The following HCN2 variants were observed in gnomAD, a reference collection of about 807,000 sequenced individuals.
HCN2 encodes hyperpolarization activated cyclic nucleotide gated potassium and sodium channel 2, also known as potassium/sodium hyperpolarization-activated cyclic nucleotide-gated channel 2.
A neutral mutation model predicts 52.3 loss-of-function variants in HCN2; 20 were observed. That is an observed-to-expected ratio of 0.38 (90% CI 0.27 to 0.56). HCN2 has a LOEUF of 0.56. Among genes scored for constraint, HCN2 ranks in the 20% least tolerant of loss-of-function variants. The pLI is 0.71. For synonymous variants in HCN2, 694 were observed against 537.0 expected, an observed-to-expected ratio of 1.29 and a Z score of -4.04; for missense variants, 981 against 1,207.7, an observed-to-expected ratio of 0.81 and a Z score of 2.78.
rs1158236413 is a variant in HCN2, at chr19:616,076, G to C, written c.2272G>C (p.Val758Leu). Reference sequence around the variant, plus strand: ...GCTGGCGCTCGGCTCGCCGCGCCTCGTGCGCCGCCCGCCCCCGGGGCCCGC... The same window carrying C: ...GCTGGCGCTCGGCTCGCCGCGCCTCCTGCGCCGCCCGCCCCCGGGGCCCGC... ...GPLALGSPRL[V>L]RRPPPGPAPA... is the part of the protein sequence containing the mutation. The change falls in exon 8 of 8, where the codon GTG becomes CTG. Residue 758 changes from valine (V) to leucine (L), a missense_variant. Transcript: ENST00000251287. The C allele has an allele frequency of 4.6e-6, 5 of 1,086,040 alleles. No homozygotes were observed. The highest frequency in any genetic ancestry group is 3.4e-5 in the African/African-American group (2 of 59,166). 67.3% of individuals were successfully genotyped at this position (1,086,040 alleles called of 1,614,324 possible).
At position 616,810 on chromosome 19, in the gene HCN2, C is replaced by G. The variant is rs1426333936; in HGVS notation, c.*336C>G. The G allele has an allele frequency of 1.4e-5, 3 of 217,166 alleles. No individual in the cohort carries two copies. Among genetic ancestry groups the G allele is most frequent in the African/African-American group, 7.1e-5 (3 of 42,164 alleles). 13.5% of individuals were successfully genotyped at this position (217,166 alleles called of 1,614,324 possible). ...GGCTGAGAGGAGCCGGCTGTGGAGCCCCGCCCGCCCCCCACCCTCTAGGTG... is the reference window on the plus strand; with the variant it reads ...GGCTGAGAGGAGCCGGCTGTGGAGCGCCGCCCGCCCCCCACCCTCTAGGTG... On this transcript the variant is annotated 3_prime_UTR_variant, in exon 8 of 8. Coordinates refer to ENST00000251287, the MANE Select transcript of HCN2 (RefSeq NM_001194.4).
intron 4 of HCN2, 64 bp downstream of exon 4, chr19:608,246 G>A: frequency 6.8e-7 from 1 of 1,471,020 alleles, no homozygotes; most frequent in African/African-American, 1.4e-5. Flanking sequence ...TCTGGGGTCT[G>A]AGAGAGAGTC....
chr19:613,573 GGGGCCGGGGATGGGGATGGGGATGGGGAT>G, intron 6 of HCN2, 85 bp downstream of exon 6: 1 of 569,092 alleles, frequency 1.8e-6, no homozygotes, highest in East Asian at 6.5e-5. Context: ...GGCCGGGGCC[GGGGCCGGGGATGGGGATGGGGATGGGGAT>G]GGGGCCGGGG....
At chr19:597,090 A>C (rs1983052791) in intron 1 of HCN2, among the ~76,000 whole-genome samples, 1 of 152,180 alleles carries the variant, frequency 6.6e-6, no homozygotes, top group African/African-American at 2.4e-5. Context: ...TTGTGGTTGG[A>C]ACGGGCAGGC....
chr19:601,015 G>A (rs748926086), intron 1 of HCN2, among the ~76,000 whole-genome samples: 1 of 151,992 alleles, frequency 6.6e-6, no homozygotes, highest in Non-Finnish European at 1.5e-5. Flanking sequence ...TGGACATTTC[G>A]TAGAAATGGG....
In HCN2 at chr19:598,481, T is replaced by A. The variant is rs938753062; in HGVS notation, c.633-5063T>A. On this transcript the variant is annotated intron_variant, in intron 1 of 7. Coordinates refer to ENST00000251287, the MANE Select transcript of HCN2 (RefSeq NM_001194.4). ...ACCACCACGCTGGCTAATTTTTGTA[T>A]TTTTTGTAGAGACGGGATCTCACTA... Among the ~76,000 whole-genome samples the A allele has an allele frequency of 5.9e-5, 9 of 151,868 alleles. No individual in the cohort carries two copies. In the South Asian group the frequency reaches 1.7e-3, roughly 28 times the overall value.
chr19:613,609 G>A (rs1231194585), intron 6 of HCN2, 121 bp downstream of exon 6: 1 of 101,688 alleles, frequency 9.8e-6, no homozygotes, highest in Non-Finnish European at 1.6e-5. Flanking sequence ...GGATGGGGCC[G>A]GGGATGGGGA....
At chr19:610,175 G>GCCT (rs878916134) in intron 4 of HCN2, 84 bp from the exon 5 acceptor site, 25 of 1,498,250 alleles carry the variant, frequency 1.7e-5, no homozygotes, top group Middle Eastern at 4.6e-4. Flanking sequence ...ACCCAGCCTC[G>GCCT]CCTCCCCACA....
In HCN2 at chr19:613,892, G is replaced by C; in HGVS notation, c.1866G>C (p.Val622=). ...LLTRGRRTAS[V]RADTYCRLYS... The stretch of plus-strand genomic sequence containing the variant: ...CCCGGGGCCGCCGCACGGCGAGCGT[G>C]CGGGCTGACACCTACTGCCGCCTCT... The change falls in exon 7 of 8, where the codon GTG becomes GTC. Residue 622 remains valine (V), a synonymous_variant. Transcript: ENST00000251287. The C allele has an allele frequency of 6.3e-7, 1 of 1,598,854 alleles. No individual in the cohort carries two copies. The highest frequency in any genetic ancestry group is 8.5e-7 in the Non-Finnish European group (1 of 1,172,906).
At chr19:604,700 G>GT (rs1440022029) in intron 2 of HCN2, among the ~76,000 whole-genome samples, 62 of 140,050 alleles carry the variant, frequency 4.4e-4, no homozygotes, top group East Asian at 1.5e-3. Context: ...GGGCAATGCG[G>GT]GTTTTGCTGG....
Position 610,285 on chromosome 19 carries a change from C to T in HCN2, c.1464C>T (p.Ser488=), listed in dbSNP as rs765645119. Residue 488 remains serine (S), a synonymous_variant, in exon 5 of 8, where the codon TCC becomes TCT. Transcript: ENST00000251287. ...EKYKQVEQYM[S]FHKLPADFRQ... ...ACAAGCAGGTGGAGCAGTACATGTC[C>T]TTCCACAAGCTGCCAGCTGACTTCC... 6.2e-6 allele frequency: 10 copies of T among 1,613,398 alleles called. No individual in the cohort carries two copies. The highest frequency in any genetic ancestry group is 5.4e-5 in the African/African-American group (4 of 74,744).
chr19:595,724 C>T (rs1210969730), intron 1 of HCN2, among the ~76,000 whole-genome samples: 2 of 151,736 alleles, frequency 1.3e-5, no homozygotes, highest in East Asian at 1.9e-4. Context: ...CACCCGGGAA[C>T]CCGAGATCTC....
At chr19:613,615 G>C in intron 6 of HCN2, 127 bp downstream of exon 6, 1 of 130,852 alleles carries the variant, frequency 7.6e-6, no homozygotes, top group Non-Finnish European at 1.2e-5. Flanking sequence ...GGCCGGGGAT[G>C]GGGATGGGGA....
At chr19:594,581 C>G (rs1324995902) in intron 1 of HCN2, among the ~76,000 whole-genome samples, 1 of 152,188 alleles carries the variant, frequency 6.6e-6, no homozygotes, top group East Asian at 1.9e-4. Context: ...CCCCTGGGCC[C>G]CGCCTCAGAT....
rs1252789606 is a variant in HCN2, at chr19:616,919, C to G, written c.*445C>G. ...TGCCCCCATCGCGCTCACGCAATAA[C>G]CGGCCCGGCCCCCGTCCGCGCGCGT... On this transcript the variant is annotated 3_prime_UTR_variant, in exon 8 of 8. Coordinates refer to ENST00000251287, the MANE Select transcript of HCN2 (RefSeq NM_001194.4). 8.9e-6 allele frequency: 3 copies of G among 337,814 alleles called. No individual in the cohort carries two copies. Among genetic ancestry groups the G allele is most frequent in the Non-Finnish European group, 1.7e-5 (3 of 179,498 alleles). 20.9% of individuals were successfully genotyped at this position (337,814 alleles called of 1,614,324 possible).
In HCN2 at chr19:610,415, G is replaced by A. The variant is rs778428384; in HGVS notation, c.1584+10G>A. 3.7e-6 allele frequency: 6 copies of A among 1,611,162 alleles called. No individual in the cohort carries two copies. Among genetic ancestry groups the A allele is most frequent in the Non-Finnish European group, 5.1e-6 (6 of 1,178,632 alleles). On this transcript the variant is annotated intron_variant, in intron 5 of 7. Coordinates refer to ENST00000251287, the MANE Select transcript of HCN2 (RefSeq NM_001194.4). ...CGGGCCCCTGCGGGAGGTGAGGCGG[G>A]CGCCGGGCGGGCGGGAGGCAGCCTC...
At chr19:610,921 CG>C (rs1315368974) in intron 5 of HCN2, among the ~76,000 whole-genome samples, 3 of 152,198 alleles carry the variant, frequency 2.0e-5, no homozygotes, top group African/African-American at 7.2e-5. Flanking sequence ...GCTACCCCCC[CG>C]GAGCCCCTGG....
intron 1 of HCN2, among the ~76,000 whole-genome samples, chr19:596,518 G>A (rs148109909): frequency 2.6e-5 from 4 of 152,344 alleles, no homozygotes; most frequent in African/African-American, 4.8e-5. Flanking sequence ...CCGCGTTTCC[G>A]AGGAAGGGGC....
At chr19:605,287 C>G in intron 3 of HCN2, 65 bp downstream of exon 3, 1 of 1,500,284 alleles carries the variant, frequency 6.7e-7, no homozygotes, top group Non-Finnish European at 9.1e-7. Flanking sequence ...GGACCCAGGC[C>G]CCCTTATCCC....
Sources: gnomAD v4.1 joint callset for allele counts (sites outside exome capture counted in the v4.1 genomes callset) on GRCh38, gnomAD v4.1.1 for gene constraint, MANE v1.5 for transcripts, NCBI Gene and HGNC (gene_info 2026-07-23, HGNC 2026-07-21) for gene names.